Variants in MORN4 observed in about 807,000 individuals in gnomAD.
MORN4 encodes the protein MORN repeat-containing protein 4.
A neutral mutation model predicts 16.4 loss-of-function variants in MORN4; 8 were observed. The ratio of observed to expected loss-of-function variants is 0.49; its 90% CI spans 0.29 to 0.88. The LOEUF (loss-of-function observed/expected upper bound fraction) is 0.88, where lower values mean the gene tolerates loss of function less well. Among genes scored for constraint, MORN4 ranks in the 40% least tolerant of loss-of-function variants. The probability of loss-of-function intolerance (pLI) is 0.09; values close to 1 mark genes in which losing one functional copy is unlikely to be tolerated. For synonymous variants in MORN4, 53 were observed against 68.9 expected, an observed-to-expected ratio of 0.77 and a Z score of 1.14; for missense variants, 159 against 182.9, an observed-to-expected ratio of 0.87 and a Z score of 0.75.
intron 4 of MORN4, 31 bp from the exon 5 acceptor site, chr10:97,616,442 G>C: frequency 6.4e-7 from 1 of 1,569,554 alleles, no homozygotes; most frequent in Non-Finnish European, 8.6e-7. Flanking sequence ...ATATGGGAGT[G>C]ACAATGGCAT....
At chr10:97,621,439 A>T (rs2041292826) in intron 1 of MORN4, among the ~76,000 whole-genome samples, 1 of 152,240 alleles carries the variant, frequency 6.6e-6, no homozygotes, top group Non-Finnish European at 1.5e-5. Flanking sequence ...TGGTAGCACG[A>T]AGTGGGATGA....
intron 1 of MORN4, among the ~76,000 whole-genome samples, chr10:97,628,286 A>C (rs962999544): frequency 6.6e-6 from 1 of 152,180 alleles, no homozygotes; most frequent in African/African-American, 2.4e-5. Flanking sequence ...TTTTCACTCA[A>C]AATTTGGAAG....
rs561536784 is a variant in MORN4, at chr10:97,623,730, C to CT, written c.-30-4048dup. 4.9e-3 allele frequency among the ~76,000 whole-genome samples: 690 copies of CT among 139,906 alleles called. 2 individuals are homozygous for CT. Among genetic ancestry groups the CT allele is most frequent in the African/African-American group, 5.5e-3 (211 of 38,262 alleles). The allele number at this position is 139,906 out of a possible 152,430, so 91.8% of individuals were successfully genotyped here. A position where few individuals can be genotyped will look rare whatever the true frequency, so the allele number is the denominator to read the frequency against. ...TCCCAGCTCAAAACAAGACGGGATT[C>CT]TTTTTTTTTTTTTTTCTTTTTTTGA... On this transcript the variant is annotated intron_variant, in intron 1 of 4. Transcript: ENST00000307450.
At position 97,615,093 on chromosome 10, in the gene MORN4, G is replaced by A. The variant is rs1346597423; in HGVS notation, c.*1170C>T. ...AAAAGGGATCCTGTTCCCCATCTAA[G>A]GAAGGAGAGAGGCACACATGGGGAT... On this transcript the variant is annotated 3_prime_UTR_variant, in exon 5 of 5. Transcript: ENST00000307450. 1 of 152,560 alleles carries A rather than the reference G, an allele frequency of 6.6e-6. No individual in the cohort carries two copies. Among genetic ancestry groups the A allele is most frequent in the East Asian group, 1.9e-4 (1 of 5,188 alleles). The allele number at this position is 152,560 out of a possible 1,614,324, so 9.5% of individuals were successfully genotyped here. A position where few individuals can be genotyped will look rare whatever the true frequency, so the allele number is the denominator to read the frequency against.
chr10:97,614,885 G>A lies in MORN4; in HGVS notation c.*1378C>T, dbSNP rs2135732386. On this transcript the variant is annotated 3_prime_UTR_variant, in exon 5 of 5. Coordinates refer to ENST00000307450, the MANE Select transcript of MORN4 (RefSeq NM_178832.4). Reference sequence around the variant, plus strand: ...ATTCTACCAAAACCCCAGGGGTTCGGGTGAGTCTGATTTATTGGTCCACTG... The same window carrying A: ...ATTCTACCAAAACCCCAGGGGTTCGAGTGAGTCTGATTTATTGGTCCACTG... 6.6e-6 allele frequency: 1 copy of A among 152,638 alleles called. No homozygotes were observed. Among genetic ancestry groups the A allele is most frequent in the South Asian group, 2.1e-4 (1 of 4,820 alleles). The allele number at this position is 152,638 out of a possible 1,614,324, so 9.5% of individuals were successfully genotyped here. A position where few individuals can be genotyped will look rare whatever the true frequency, so the allele number is the denominator to read the frequency against.
At chr10:97,627,356 C>T (rs1476690425) in intron 1 of MORN4, among the ~76,000 whole-genome samples, 1 of 152,112 alleles carries the variant, frequency 6.6e-6, no homozygotes, top group Non-Finnish European at 1.5e-5. Flanking sequence ...GTTGGCCAGG[C>T]TGGTCTTGAA....
chr10:97,617,534 C>T (rs2041246978), intron 2 of MORN4, among the ~76,000 whole-genome samples: 1 of 152,162 alleles, frequency 6.6e-6, no homozygotes, highest in Admixed American at 6.6e-5. Flanking sequence ...CAGATTAAAG[C>T]AGGTCTACCC....
chr10:97,617,878 A>C (rs185882792), intron 2 of MORN4, among the ~76,000 whole-genome samples: 1 of 152,008 alleles, frequency 6.6e-6, no homozygotes, highest in Admixed American at 6.6e-5. Context: ...ACAAACAAAC[A>C]AAAAAACAAC....
chr10:97,628,533 T>TC (rs539716136), intron 1 of MORN4, among the ~76,000 whole-genome samples: 41 of 151,344 alleles, frequency 2.7e-4, no homozygotes, highest in Non-Finnish European at 5.2e-4. Context: ...CCACTTTTTT[T>TC]CTTTCTTTTT....
intron 2 of MORN4, among the ~76,000 whole-genome samples, chr10:97,619,154 G>T (rs1216154573): frequency 6.6e-6 from 1 of 151,902 alleles, no homozygotes; most frequent in African/African-American, 2.4e-5. Flanking sequence ...GTGAAACCCC[G>T]TCTCTACTAA....
chr10:97,628,080 G>A lies in MORN4; in HGVS notation c.-31+5267C>T, dbSNP rs563226021. ...AATCCTCAGCTCTTCCCAGAACTAA[G>A]TTACAGCACTAAAAGTCAGCTTATG... On this transcript the variant is annotated intron_variant, in intron 1 of 4. Transcript: ENST00000307450. Among the ~76,000 whole-genome samples, 9 of 152,318 alleles carry A rather than the reference G, an allele frequency of 5.9e-5. No individual in the cohort carries two copies. The South Asian group carries it at 1.7e-3, about 28-fold the overall frequency.
rs1233954878 is a variant in MORN4, at chr10:97,617,475, T to C, written c.68-153A>G. Among the ~76,000 whole-genome samples the C allele has an allele frequency of 2.0e-5, 3 of 152,184 alleles. No homozygotes were observed. The East Asian group carries it at 5.8e-4, about 29-fold the overall frequency. On this transcript the variant is annotated intron_variant, in intron 2 of 4. Coordinates refer to ENST00000307450, the MANE Select transcript of MORN4 (RefSeq NM_178832.4). The stretch of plus-strand genomic sequence containing the variant: ...CAGGGCAGAGGATTATTAGCCAGAG[T>C]CAGGCACTGGGAAAACCTGGCTCCT...
chr10:97,620,508 G>A (rs7895681), intron 1 of MORN4, among the ~76,000 whole-genome samples: 7,936 of 87,360 alleles, frequency 0.091, 635 homozygotes, highest in African/African-American at 0.19. Flanking sequence ...AAAAAAAAAA[G>A]AAAAAAAAAA....
chr10:97,633,488 G>A lies in MORN4; in HGVS notation c.-172C>T. On this transcript the variant is annotated 5_prime_UTR_variant, in exon 1 of 5. Transcript: ENST00000307450. The surrounding 1 kb of genome is among the most constrained non-coding windows in gnomAD (Gnocchi z 4.5). ...TTGCCCCACTTGACGCCGCCATCCT[G>A]GGCGACCGCACTGGGTACAATTCCC... 1 of 1,289,830 alleles carries A rather than the reference G, an allele frequency of 7.8e-7. No homozygotes were observed. The allele number at this position is 1,289,830 out of a possible 1,614,324, so 79.9% of individuals were successfully genotyped here.
intron 1 of MORN4, among the ~76,000 whole-genome samples, chr10:97,632,703 A>ATTTTTTTTT (rs552637866): frequency 7.0e-6 from 1 of 143,312 alleles, no homozygotes. Context: ...CGCCAAAAAG[A>ATTTTTTTTT]TTTTTTTTTT....
At chr10:97,633,638 G>A, upstream of MORN4, 1 of 1,282,994 alleles carries the variant, frequency 7.8e-7, no homozygotes, top group Non-Finnish European at 1.0e-6. This position sits in a 1 kb window ranked among gnomAD's most constrained non-coding sequence, Gnocchi z 4.5. Context: ...TGTGAAAGAG[G>A]GGTGGTCCCA....
At chr10:97,625,147 G>A (rs902851369) in intron 1 of MORN4, among the ~76,000 whole-genome samples, 2 of 152,148 alleles carry the variant, frequency 1.3e-5, no homozygotes, top group African/African-American at 2.4e-5. Context: ...AAACTAACAC[G>A]TGAAAGTTAG....
At chr10:97,628,994 A>C (rs1303006043) in intron 1 of MORN4, among the ~76,000 whole-genome samples, 1 of 152,216 alleles carries the variant, frequency 6.6e-6, no homozygotes, top group African/African-American at 2.4e-5. Flanking sequence ...GTTTGTCTAC[A>C]ATTTGATCTG....
chr10:97,624,965 A>C (rs1467669641), intron 1 of MORN4, among the ~76,000 whole-genome samples: 1 of 152,132 alleles, frequency 6.6e-6, no homozygotes, highest in African/African-American at 2.4e-5. Flanking sequence ...AGTGCTAAGA[A>C]TACAGGCGTG....
Sources: gnomAD v4.1 joint callset for allele counts (sites outside exome capture counted in the v4.1 genomes callset) on GRCh38, gnomAD v4.1.1 for gene constraint, Gnocchi (gnomAD v3.1) non-coding constraint, MANE v1.5 for transcripts, NCBI Gene and HGNC (gene_info 2026-07-23, HGNC 2026-07-21) for gene names.